The following FRAS1 variants were observed in gnomAD, a reference collection of about 807,000 sequenced individuals.
The protein encoded by FRAS1 is extracellular matrix organizing protein FRAS1.
A neutral mutation model predicts 435.2 loss-of-function variants in FRAS1; 290 were observed. The ratio of observed to expected loss-of-function variants is 0.67; its 90% CI spans 0.61 to 0.73. The LOEUF is 0.73. Among genes scored for constraint, FRAS1 ranks in the 30% least tolerant of loss-of-function variants. FRAS1 has a pLI of 0.00. For missense variants in FRAS1, 4,860 were observed against 5,001.5 expected, an observed-to-expected ratio of 0.97 and a Z score of 0.85; for synonymous variants, 1,800 against 1,851.0, an observed-to-expected ratio of 0.97 and a Z score of 0.71.
chr4:78,106,251 T>C (rs375876183), intron 2 of FRAS1, among the ~76,000 whole-genome samples: 51,377 of 77,172 alleles, frequency 0.67, 20,505 homozygotes, highest in Non-Finnish European at 0.83. Context: ...CCACCACAGC[T>C]CAAGGAGGCC....
At chr4:78,179,797 G>C (rs1721921225) in intron 2 of FRAS1, among the ~76,000 whole-genome samples, 1 of 152,152 alleles carries the variant, frequency 6.6e-6, no homozygotes, top group African/African-American at 2.4e-5. Flanking sequence ...CACTGACATA[G>C]GAGCTACCCA....
At chr4:78,397,863 G>A (rs2110342063) in intron 29 of FRAS1, among the ~76,000 whole-genome samples, 1 of 152,314 alleles carries the variant, frequency 6.6e-6, no homozygotes, top group Middle Eastern at 3.4e-3. Flanking sequence ...ATTATGGGCT[G>A]AAGTGGTCTC....
At chr4:78,274,147 G>A (rs908059880) in intron 9 of FRAS1, among the ~76,000 whole-genome samples, 5 of 152,176 alleles carry the variant, frequency 3.3e-5, no homozygotes, top group African/African-American at 2.4e-5. Flanking sequence ...ATTTCTGTGG[G>A]ATAGGTGTTG....
intron 2 of FRAS1, among the ~76,000 whole-genome samples, chr4:78,108,467 A>G (rs1210156846): frequency 2.3e-5 from 2 of 88,394 alleles, no homozygotes; most frequent in Non-Finnish European, 4.4e-5. Flanking sequence ...GTTCAACTAC[A>G]TGGAAACTGA....
rs140482359 is a variant in FRAS1 at position 78,100,275 on chromosome 4, G to T, written c.108+34259G>T. On this transcript the variant is annotated intron_variant, in intron 2 of 73. Coordinates refer to ENST00000512123, the MANE Select transcript of FRAS1 (RefSeq NM_025074.7). ...CATCTGCACTTTCCCATTCTTGAGG[G>T]TACTCCAGGGATTCTTCAGGGCACA... Among the ~76,000 whole-genome samples the T allele has an allele frequency of 2.9e-3, 444 of 152,242 alleles. 3 individuals are homozygous for T. Among genetic ancestry groups the T allele is most frequent in the African/African-American group, 1.0e-2 (415 of 41,538 alleles).
intron 14 of FRAS1, among the ~76,000 whole-genome samples, chr4:78,298,208 T>C (rs1318625476): frequency 6.7e-6 from 1 of 149,258 alleles, no homozygotes; most frequent in Non-Finnish European, 1.5e-5. Flanking sequence ...ATACTTAGCC[T>C]TATAAAATAT....
intron 2 of FRAS1, among the ~76,000 whole-genome samples, chr4:78,094,783 G>T (rs143226930): frequency 6.6e-6 from 1 of 152,052 alleles, no homozygotes; most frequent in Non-Finnish European, 1.5e-5. Flanking sequence ...TTATACCTTA[G>T]AGCCATATGA....
chr4:78,317,548 A>T (rs759848930), intron 17 of FRAS1, 40 bp downstream of exon 17: 5 of 1,563,726 alleles, frequency 3.2e-6, no homozygotes, highest in Non-Finnish European at 4.3e-6. Context: ...AGGCTATCCC[A>T]CAAGAACATA....
chr4:78,083,820 T>G (rs186236512), intron 2 of FRAS1, among the ~76,000 whole-genome samples: 1 of 152,156 alleles, frequency 6.6e-6, no homozygotes, highest in East Asian at 1.9e-4. Context: ...ATTACCTGGA[T>G]CACTAATTTC....
chr4:78,370,095 GTCT>G, intron 23 of FRAS1, 111 bp downstream of exon 23: 1 of 978,380 alleles, frequency 1.0e-6, no homozygotes, highest in Non-Finnish European at 1.5e-6. Context: ...TATTTTGACT[GTCT>G]CTGATGATAG....
chr4:78,359,793 A>T (rs1413465258), intron 20 of FRAS1, among the ~76,000 whole-genome samples: 1 of 152,190 alleles, frequency 6.6e-6, no homozygotes, highest in Non-Finnish European at 1.5e-5. Flanking sequence ...TGTATTGGGC[A>T]ACTTGGAGTT....
intron 47 of FRAS1, 60 bp downstream of exon 47, chr4:78,452,414 G>C (rs1578333403): frequency 1.1e-5 from 15 of 1,311,362 alleles, no homozygotes; most frequent in African/African-American, 1.5e-5. Context: ...AGTATTGAGG[G>C]CAGCCACATC....
chr4:78,323,567 T>C (rs7676704), intron 18 of FRAS1, among the ~76,000 whole-genome samples: 43,147 of 152,142 alleles, frequency 0.28, 6,557 homozygotes, highest in Non-Finnish European at 0.33. Flanking sequence ...CATGCCTCTG[T>C]GGGTGTCAAT....
intron 29 of FRAS1, among the ~76,000 whole-genome samples, chr4:78,399,786 C>G (rs1732809564): frequency 6.6e-6 from 1 of 152,180 alleles, no homozygotes; most frequent in Admixed American, 6.5e-5. Context: ...CTCATTTTCT[C>G]TCCCCTGAGC....
At chr4:78,315,538 A>G in intron 15 of FRAS1, 56 bp from the exon 16 acceptor site, 3 of 1,540,706 alleles carry the variant, frequency 1.9e-6, no homozygotes, top group Non-Finnish European at 2.6e-6. Context: ...AATAGACTTC[A>G]CTGCTTCTTT....
chr4:78,278,332 A>C (rs1727160437), intron 9 of FRAS1, among the ~76,000 whole-genome samples: 1 of 152,154 alleles, frequency 6.6e-6, no homozygotes, highest in African/African-American at 2.4e-5. Context: ...CTTTTCTGAA[A>C]CTCATAACTT....
intron 6 of FRAS1, among the ~76,000 whole-genome samples, chr4:78,261,586 ACT>A (rs1472851639): frequency 6.6e-6 from 1 of 152,072 alleles, no homozygotes; most frequent in African/African-American, 2.4e-5. Flanking sequence ...AGGTTTTAAG[ACT>A]CTCATGTGAG....
intron 31 of FRAS1, among the ~76,000 whole-genome samples, chr4:78,408,221 G>A (rs1313743993): frequency 2.6e-5 from 4 of 152,072 alleles, no homozygotes; most frequent in Non-Finnish European, 4.4e-5. Context: ...CCCCGTGATT[G>A]TTGTCTCCCA....
At chr4:78,306,896 C>T (rs919774865) in intron 14 of FRAS1, among the ~76,000 whole-genome samples, 41 of 152,272 alleles carry the variant, frequency 2.7e-4, no homozygotes, top group Middle Eastern at 3.4e-3. Flanking sequence ...AGCTTTGTTC[C>T]GTTGCTGGTG....
Sources: allele counts gnomAD v4.1 joint callset (sites outside exome capture counted in the v4.1 genomes callset), GRCh38; gene constraint gnomAD v4.1.1; transcripts MANE v1.5; gene names NCBI Gene and HGNC (gene_info 2026-07-23, HGNC 2026-07-21).